PREX2: variants seen among roughly 807,000 people sequenced by gnomAD.
The protein encoded by PREX2 is phosphatidylinositol 3,4,5-trisphosphate-dependent Rac exchanger 2 protein.
A neutral mutation model predicts 203.2 loss-of-function variants in PREX2; 107 were observed. The ratio of observed to expected loss-of-function variants is 0.53; its 90% CI spans 0.45 to 0.62. The LOEUF is 0.62. PREX2 is among the 20% of genes least tolerant of loss of function. The pLI is 0.00. For missense variants in PREX2, 1,777 were observed against 1,955.9 expected, an observed-to-expected ratio of 0.91 and a Z score of 1.72; for synonymous variants, 672 against 663.6, an observed-to-expected ratio of 1.01 and a Z score of -0.19.
chr8:67,983,371 T>G (rs1806326479), intron 1 of PREX2, among the ~76,000 whole-genome samples: 1 of 120,806 alleles, frequency 8.3e-6, no homozygotes, highest in Non-Finnish European at 1.8e-5. Context: ...TTCGAATATG[T>G]AAGCACTTTT....
Position 68,200,452 on chromosome 8 carries a change from CTA to C in PREX2, c.4604+7928_4604+7929del, listed in dbSNP as rs559431836. ...TTAAAATTTATTCTAATTTAGTCAACTAGATAAATAATACAGGTAAATTGTTA... is the reference window on the plus strand; with the variant it reads ...TTAAAATTTATTCTAATTTAGTCAACGATAAATAATACAGGTAAATTGTTA... On this transcript the variant is annotated intron_variant, in intron 37 of 39. Coordinates refer to ENST00000288368, the MANE Select transcript of PREX2 (RefSeq NM_024870.4). Among the ~76,000 whole-genome samples the C allele has an allele frequency of 5.1e-3, 775 of 151,822 alleles. 5 individuals are homozygous for C. Among genetic ancestry groups the C allele is most frequent in the Admixed American group, 8.7e-3 (132 of 15,240 alleles).
At chr8:68,188,311 A>G (rs1812229776) in intron 35 of PREX2, among the ~76,000 whole-genome samples, 1 of 152,208 alleles carries the variant, frequency 6.6e-6, no homozygotes, top group South Asian at 2.1e-4. Flanking sequence ...TATCAAAAAA[A>G]CTAAATAAAA....
At chr8:68,042,677 A>T in intron 7 of PREX2, among the ~76,000 whole-genome samples, 1 of 152,218 alleles carries the variant, frequency 6.6e-6, no homozygotes, top group Non-Finnish European at 1.5e-5. Flanking sequence ...AATACATTTA[A>T]ATTTGCAATA....
chr8:68,204,682 T>C (rs1277304088), intron 37 of PREX2, among the ~76,000 whole-genome samples: 54 of 134,750 alleles, frequency 4.0e-4, no homozygotes, highest in South Asian at 3.7e-3. Context: ...TTCTTTCTTT[T>C]TTTTTTTTTT....
At position 68,060,524 on chromosome 8, in the gene PREX2, T is replaced by C. The variant is rs1257009625; in HGVS notation, c.1239-155T>C. The stretch of plus-strand genomic sequence containing the variant: ...AGTTCAACTTAAATGGCTGTAGGCC[T>C]TACATATGTGAAAAAATAATCTGTT... On this transcript the variant is annotated intron_variant, in intron 10 of 39. Coordinates refer to ENST00000288368, the MANE Select transcript of PREX2 (RefSeq NM_024870.4). Among the ~76,000 whole-genome samples, 4 of 152,370 alleles carry C rather than the reference T, an allele frequency of 2.6e-5. No individual in the cohort carries two copies. In the South Asian group the frequency reaches 8.3e-4, roughly 32 times the overall value.
intron 15 of PREX2, among the ~76,000 whole-genome samples, chr8:68,079,900 T>C (rs1019722632): frequency 3.3e-5 from 5 of 152,146 alleles, no homozygotes; most frequent in Non-Finnish European, 7.4e-5. Context: ...CAGGAATTCG[T>C]GGAAACTGAA....
intron 8 of PREX2, among the ~76,000 whole-genome samples, chr8:68,045,802 C>T (rs959520340): frequency 6.6e-6 from 1 of 152,058 alleles, no homozygotes; most frequent in Admixed American, 6.6e-5. Flanking sequence ...CAGATACTCC[C>T]GTGCTAACAT....
chr8:68,060,642 T>A (rs752729945), intron 10 of PREX2, 37 bp from the exon 11 acceptor site: 1 of 1,468,904 alleles, frequency 6.8e-7, no homozygotes, highest in Non-Finnish European at 9.4e-7. Context: ...GGGGAAAAAA[T>A]TAACCGTTTA....
At chr8:68,002,347 A>C (rs959292656) in intron 1 of PREX2, among the ~76,000 whole-genome samples, 1 of 152,060 alleles carries the variant, frequency 6.6e-6, no homozygotes, top group African/African-American at 2.4e-5. Context: ...GTGTTTTGCC[A>C]TGTTGGCCAG....
intron 8 of PREX2, among the ~76,000 whole-genome samples, chr8:68,050,169 T>A (rs753041852): frequency 2.6e-5 from 4 of 152,192 alleles, no homozygotes; most frequent in Non-Finnish European, 4.4e-5. Context: ...TTTAAAATTA[T>A]TTGACACAAG....
intron 10 of PREX2, among the ~76,000 whole-genome samples, chr8:68,058,264 T>C (rs748215342): frequency 3.3e-5 from 5 of 152,184 alleles, no homozygotes; most frequent in Admixed American, 6.5e-5. Flanking sequence ...AATATGACAT[T>C]TTCAGGAATC....
At chr8:68,021,845 G>A (rs144079537) in intron 3 of PREX2, among the ~76,000 whole-genome samples, 191 bp from the exon 4 acceptor site, 2 of 152,110 alleles carry the variant, frequency 1.3e-5, no homozygotes, top group East Asian at 3.9e-4. Context: ...ACTGATATAC[G>A]TCTATCTCCC....
At position 68,157,143 on chromosome 8, in the gene PREX2, A is replaced by T. The variant is rs143804432; in HGVS notation, c.4232-179A>T. Among the ~76,000 whole-genome samples the T allele has an allele frequency of 2.1e-3, 322 of 152,242 alleles. 1 individual carries two copies. The highest frequency in any genetic ancestry group is 7.1e-3 in the African/African-American group (295 of 41,548). ...GGACAGAAAAATCACCAAATGTTTG[A>T]TATTTATTTTGAGAGCAGAACAGTT... On this transcript the variant is annotated intron_variant, in intron 34 of 39. Coordinates refer to ENST00000288368, the MANE Select transcript of PREX2 (RefSeq NM_024870.4).
chr8:68,118,704 T>C, intron 27 of PREX2, 60 bp downstream of exon 27: 1 of 1,211,804 alleles, frequency 8.3e-7, no homozygotes, highest in East Asian at 2.3e-5. Flanking sequence ...GAGATAACTT[T>C]AAGGTTTTAA....
At chr8:68,103,773 G>A (rs922162918) in intron 23 of PREX2, 4 of 516,094 alleles carry the variant, frequency 7.8e-6, no homozygotes, top group Non-Finnish European at 1.5e-5. Flanking sequence ...ACATATGCCT[G>A]GTTTTTGTCC....
rs1158019796 is a variant in PREX2, at chr8:68,146,148, A to G, written c.4088-61A>G. On this transcript the variant is annotated intron_variant, in intron 33 of 39. Coordinates refer to ENST00000288368, the MANE Select transcript of PREX2 (RefSeq NM_024870.4). ...CTCAGGATTCTTTCTGAAAGTTAACAAAAGTACCATCTAGCATATCCTTAT... is the reference window on the plus strand; with the variant it reads ...CTCAGGATTCTTTCTGAAAGTTAACGAAAGTACCATCTAGCATATCCTTAT... The G allele has an allele frequency of 3.3e-6, 4 of 1,209,976 alleles. No individual in the cohort carries two copies. The African/African-American group carries it at 4.6e-5, about 14-fold the overall frequency. 75.0% of individuals were successfully genotyped at this position (1,209,976 alleles called of 1,614,324 possible). A position where few individuals can be genotyped will look rare whatever the true frequency, so the allele number is the denominator to read the frequency against.
chr8:67,975,869 A>G (rs1408623626), intron 1 of PREX2, among the ~76,000 whole-genome samples: 4 of 121,970 alleles, frequency 3.3e-5, no homozygotes, highest in South Asian at 3.3e-4. Context: ...ATGCCCGGCT[A>G]ATTTTTTTTT....
chr8:68,174,699 C>T lies in PREX2; in HGVS notation c.4347-17023C>T, dbSNP rs531596065. ...TACTTTTTGTGTCTGTTTCTCCTTT[C>T]ACCTTGTCTTTTTTGTTGTTGTTGT... On this transcript the variant is annotated intron_variant, in intron 35 of 39. Transcript: ENST00000288368. Among the ~76,000 whole-genome samples, 11 of 152,270 alleles carry T rather than the reference C, an allele frequency of 7.2e-5. No individual in the cohort carries two copies. The South Asian group carries it at 2.1e-3, about 29-fold the overall frequency.
chr8:68,183,193 G>A (rs1812119231), intron 35 of PREX2, among the ~76,000 whole-genome samples: 1 of 152,070 alleles, frequency 6.6e-6, no homozygotes, highest in Non-Finnish European at 1.5e-5. Context: ...GGTATTTTTA[G>A]AGATAGATTG....
Sources: gnomAD v4.1 joint callset for allele counts (sites outside exome capture counted in the v4.1 genomes callset) on GRCh38, gnomAD v4.1.1 for gene constraint, MANE v1.5 for transcripts, NCBI Gene and HGNC (gene_info 2026-07-23, HGNC 2026-07-21) for gene names.